Variants in HMGCLL1 observed in about 807,000 individuals in gnomAD.
HMGCLL1 encodes the protein 3-hydroxymethyl-3-methylglutaryl-CoA lyase, cytoplasmic.
HMGCLL1 carries 36 observed loss-of-function variants against 39.1 expected under a neutral mutation model. The ratio of observed to expected loss-of-function variants is 0.92; its 90% CI spans 0.71 to 1.22. HMGCLL1 has a LOEUF of 1.22. HMGCLL1 is among the 50% of genes most tolerant of loss of function. The pLI, the probability that HMGCLL1 is intolerant of heterozygous loss-of-function variation, is 0.00. For missense variants in HMGCLL1, 451 were observed against 416.5 expected (o/e 1.08, Z -0.72); for synonymous variants, 149 against 144.0 (o/e 1.03, Z -0.25).
chr6:55,455,818 A>G (rs1481417590), intron 7 of HMGCLL1, among the ~76,000 whole-genome samples: 1 of 152,216 alleles, frequency 6.6e-6, no homozygotes, highest in Non-Finnish European at 1.5e-5. Context: ...AATCCCTTCT[A>G]CTGTTAGTGA....
intron 3 of HMGCLL1, among the ~76,000 whole-genome samples, chr6:55,522,210 AG>A (rs1272285115): frequency 6.6e-6 from 1 of 151,998 alleles, no homozygotes; most frequent in African/African-American, 2.4e-5. Context: ...GTATTGTAAA[AG>A]AAAAACATTT....
intron 3 of HMGCLL1, among the ~76,000 whole-genome samples, chr6:55,528,438 A>C (rs1438966430): frequency 2.0e-5 from 3 of 152,044 alleles, no homozygotes; most frequent in Non-Finnish European, 4.4e-5. Context: ...CCCTGGGTGA[A>C]AATGCTGTAG....
chr6:55,581,376 A>C (rs1250290831), upstream of HMGCLL1, among the ~76,000 whole-genome samples: 3 of 152,148 alleles, frequency 2.0e-5, no homozygotes, highest in Non-Finnish European at 4.4e-5. Context: ...ATTTTTAAAC[A>C]AAATTTGTAC....
intron 1 of HMGCLL1, among the ~76,000 whole-genome samples, chr6:55,569,983 T>C (rs1189617527): frequency 1.3e-5 from 2 of 152,138 alleles, no homozygotes; most frequent in Non-Finnish European, 2.9e-5. Context: ...AGATTCTTCA[T>C]GCTACAGAGA....
At chr6:55,661,552 T>G in the HMGCLL1 span, among the ~76,000 whole-genome samples, 1 of 151,920 alleles carries the variant, frequency 6.6e-6, no homozygotes, top group Non-Finnish European at 1.5e-5. Flanking sequence ...GGGCTCTCTA[T>G]TCTGTTTCAT....
intron 7 of HMGCLL1, among the ~76,000 whole-genome samples, chr6:55,459,076 C>A (rs1454399795): frequency 6.6e-6 from 1 of 152,108 alleles, no homozygotes; most frequent in Non-Finnish European, 1.5e-5. Context: ...TTTCACAGAG[C>A]AGCCTCCTCT....
rs1251995583 is a variant in HMGCLL1, at chr6:55,543,324, ATATT to A, written c.109-1188_109-1185del. ...ATATATGATATATAATATATAATAT[ATATT>A]ATATATCATATATGATATATAATAT... On this transcript the variant is annotated intron_variant, in intron 1 of 8. Transcript: ENST00000274901. Among the ~76,000 whole-genome samples the A allele has an allele frequency of 2.5e-3, 70 of 27,520 alleles. 9 individuals carry two copies. The highest frequency in any genetic ancestry group is 8.0e-3 in the African/African-American group (67 of 8,338). 18.1% of individuals were successfully genotyped at this position (27,520 alleles called of 152,430 possible). A position where few individuals can be genotyped will look rare whatever the true frequency, so the allele number is the denominator to read the frequency against.
chr6:55,676,310 G>A, the HMGCLL1 span, among the ~76,000 whole-genome samples: 11 of 152,082 alleles, frequency 7.2e-5, no homozygotes, highest in African/African-American at 2.7e-4. Context: ...TGACACTAGA[G>A]ACAAGTATAG....
the HMGCLL1 span, among the ~76,000 whole-genome samples, chr6:55,639,224 T>C: frequency 6.6e-6 from 1 of 151,936 alleles, no homozygotes. Context: ...TTATTCCTAA[T>C]AACAAAAACA....
the HMGCLL1 span, among the ~76,000 whole-genome samples, chr6:55,605,793 A>G: frequency 1.3e-5 from 2 of 152,134 alleles, no homozygotes; most frequent in Non-Finnish European, 2.9e-5. Flanking sequence ...TCACCTTCCC[A>G]AACTCCTGAG....
At chr6:55,608,177 C>T in the HMGCLL1 span, among the ~76,000 whole-genome samples, 8 of 152,156 alleles carry the variant, frequency 5.3e-5, no homozygotes, top group Non-Finnish European at 1.0e-4. Flanking sequence ...CCAACTAGAA[C>T]CTACTGCTAC....
At chr6:55,438,400 A>AAGAT (rs1763455459) in intron 8 of HMGCLL1, among the ~76,000 whole-genome samples, 2 of 152,062 alleles carry the variant, frequency 1.3e-5, no homozygotes, top group Non-Finnish European at 2.9e-5. Context: ...GTTGCATGGG[A>AAGAT]AGATAGACAC....
At chr6:55,469,689 T>C (rs1221763776) in intron 7 of HMGCLL1, among the ~76,000 whole-genome samples, 1 of 151,620 alleles carries the variant, frequency 6.6e-6, no homozygotes, top group Non-Finnish European at 1.5e-5. Context: ...ATGGAACCAA[T>C]GTAAGGTGGA....
the HMGCLL1 span, among the ~76,000 whole-genome samples, chr6:55,668,907 G>A: frequency 3.9e-4 from 59 of 151,840 alleles, 1 homozygote; most frequent in South Asian, 0.012. Flanking sequence ...CAACTCCAGG[G>A]AGGGAAACCT....
chr6:55,514,950 C>A (rs376946602), intron 4 of HMGCLL1, among the ~76,000 whole-genome samples: 3 of 152,020 alleles, frequency 2.0e-5, no homozygotes, highest in East Asian at 1.9e-4. Flanking sequence ...TCTTGCTAAT[C>A]CCCCATTAAC....
At chr6:55,620,929 C>G in the HMGCLL1 span, among the ~76,000 whole-genome samples, 1 of 152,098 alleles carries the variant, frequency 6.6e-6, no homozygotes, top group African/African-American at 2.4e-5. Flanking sequence ...AATGAATTCA[C>G]TATAGATGTG....
At chr6:55,618,458 G>A in the HMGCLL1 span, among the ~76,000 whole-genome samples, 17,042 of 151,932 alleles carry the variant, frequency 0.11, 1,143 homozygotes, top group East Asian at 0.17. Flanking sequence ...GAATGTATTT[G>A]GATATGAATA....
At chr6:55,621,516 C>T in the HMGCLL1 span, among the ~76,000 whole-genome samples, 52,718 of 151,538 alleles carry the variant, frequency 0.35, 9,561 homozygotes, top group African/African-American at 0.44. Context: ...ATGAACCCTA[C>T]TGTGACCTGC....
At chr6:55,506,429 G>A (rs1302719432) in intron 5 of HMGCLL1, among the ~76,000 whole-genome samples, 2 of 151,724 alleles carry the variant, frequency 1.3e-5, no homozygotes, top group Non-Finnish European at 3.0e-5. Flanking sequence ...GTCCCATACT[G>A]GTAGAGTAGC....
Sources: allele counts gnomAD v4.1 joint callset (sites outside exome capture counted in the v4.1 genomes callset), GRCh38; gene constraint gnomAD v4.1.1; transcripts MANE v1.5; gene names NCBI Gene and HGNC (gene_info 2026-07-23, HGNC 2026-07-21).